The following UHRF2 variants were observed in gnomAD, a reference collection of about 807,000 sequenced individuals.
The protein encoded by UHRF2 is E3 ubiquitin-protein ligase UHRF2.
A neutral mutation model predicts 96.8 loss-of-function variants in UHRF2; 23 were observed. The ratio of observed to expected loss-of-function variants is 0.24; its 90% CI spans 0.17 to 0.34. The LOEUF (loss-of-function observed/expected upper bound fraction) is 0.34. UHRF2 is among the 10% of genes least tolerant of loss of function. The pLI is 1.00. For missense variants in UHRF2, 685 were observed against 981.5 expected, an observed-to-expected ratio of 0.70 and a Z score of 4.04; for synonymous variants, 385 against 332.6, an observed-to-expected ratio of 1.16 and a Z score of -1.72.
rs1203182268 is a variant in UHRF2 at position 6,506,103 on chromosome 9, A to T, written c.2333A>T (p.Asn778Ile). Reference sequence around the variant, plus strand: ...GCTTGCCGGCATGATCTTGGCCAGAATTACATCATGATTCCCAATGAGATT... The same window carrying T: ...GCTTGCCGGCATGATCTTGGCCAGATTTACATCATGATTCCCAATGAGATT... ...CPACRHDLGQ[N>I]YIMIPNEILQ... Residue 778 changes from asparagine (N) to isoleucine (I), a missense_variant, in exon 16 of 16, where the codon AAT (asparagine) becomes ATT (isoleucine). Asn to Ile is a moderately radical substitution (Grantham distance 149, BLOSUM62 -3). Coordinates refer to ENST00000276893, the MANE Select transcript of UHRF2 (RefSeq NM_152896.3). 1 of 1,614,174 alleles carries T rather than the reference A, an allele frequency of 6.2e-7. No individual in the cohort carries two copies. The highest frequency in any genetic ancestry group is 1.7e-5 in the Admixed American group (1 of 60,014).
At chr9:6,455,054 T>A (rs1822096609) in intron 3 of UHRF2, among the ~76,000 whole-genome samples, 1 of 152,230 alleles carries the variant, frequency 6.6e-6, no homozygotes, top group African/African-American at 2.4e-5. Context: ...TAGATTGAGC[T>A]TTTTAAGAGT....
rs565719957 is a variant in UHRF2, at chr9:6,489,021, G to A, written c.1497+2096G>A. On this transcript the variant is annotated intron_variant, in intron 9 of 15. Coordinates refer to ENST00000276893, the MANE Select transcript of UHRF2 (RefSeq NM_152896.3). ...GGTGGGGTTTCACCATGTTGGCCAGGCTGGTCTCAAACTCCTGACCTCAAG... is the reference window on the plus strand; with the variant it reads ...GGTGGGGTTTCACCATGTTGGCCAGACTGGTCTCAAACTCCTGACCTCAAG... Among the ~76,000 whole-genome samples the A allele has an allele frequency of 7.1e-3, 1,073 of 151,978 alleles. 11 individuals are homozygous for A. The highest frequency in any genetic ancestry group is 0.011 in the Non-Finnish European group (734 of 67,968).
intron 8 of UHRF2, among the ~76,000 whole-genome samples, chr9:6,485,048 C>T (rs1452923579): frequency 6.6e-6 from 1 of 151,494 alleles, no homozygotes; most frequent in Non-Finnish European, 1.5e-5. Context: ...CCGCCTTGGC[C>T]TCCCAAAGTG....
At chr9:6,420,049 TC>T (rs922435368) in intron 1 of UHRF2, among the ~76,000 whole-genome samples, 25 of 150,322 alleles carry the variant, frequency 1.7e-4, no homozygotes, top group African/African-American at 5.9e-4. Flanking sequence ...GAGCCCAGCC[TC>T]CCCCGCCACC....
At chr9:6,456,508 T>A (rs1012155090) in intron 3 of UHRF2, among the ~76,000 whole-genome samples, 1 of 152,258 alleles carries the variant, frequency 6.6e-6, no homozygotes, top group Admixed American at 6.5e-5. Flanking sequence ...TGATAGTTTC[T>A]TTTGCTGTGC....
chr9:6,423,663 C>T (rs1423699927), intron 2 of UHRF2, among the ~76,000 whole-genome samples: 12 of 148,322 alleles, frequency 8.1e-5, no homozygotes, highest in African/African-American at 2.3e-4. Context: ...AGAAAAGTCT[C>T]GGCCGGGCGT....
intron 4 of UHRF2, among the ~76,000 whole-genome samples, chr9:6,464,278 T>G (rs946346155): frequency 2.0e-5 from 3 of 152,198 alleles, no homozygotes; most frequent in Non-Finnish European, 2.9e-5. Context: ...CTTTTTTTGT[T>G]GTTAATTAAA....
intron 3 of UHRF2, among the ~76,000 whole-genome samples, chr9:6,442,875 T>C (rs147370407): frequency 2.6e-5 from 4 of 152,168 alleles, no homozygotes; most frequent in African/African-American, 9.7e-5. Context: ...TTTATCCTCT[T>C]AAAACCAAGG....
At chr9:6,466,198 C>T (rs188767239) in intron 4 of UHRF2, among the ~76,000 whole-genome samples, 38 of 152,124 alleles carry the variant, frequency 2.5e-4, no homozygotes, top group African/African-American at 7.7e-4. Flanking sequence ...GTCAGGAGTT[C>T]GAGACCAGCC....
intron 3 of UHRF2, among the ~76,000 whole-genome samples, chr9:6,455,954 G>T (rs1249791676): frequency 1.3e-5 from 2 of 152,162 alleles, no homozygotes; most frequent in African/African-American, 4.8e-5. Context: ...CTGCACTCCA[G>T]CCTGGGTGAC....
chr9:6,464,451 T>G (rs1822745838), intron 4 of UHRF2, among the ~76,000 whole-genome samples: 3 of 152,296 alleles, frequency 2.0e-5, no homozygotes, highest in South Asian at 2.1e-4. Context: ...TTATCAAAGT[T>G]CAAGAAAGTT....
At chr9:6,452,684 T>TTG (rs1054026691) in intron 3 of UHRF2, among the ~76,000 whole-genome samples, 1 of 152,216 alleles carries the variant, frequency 6.6e-6, no homozygotes, top group African/African-American at 2.4e-5. Context: ...AAATTGGAGA[T>TTG]AACTCTTACA....
At chr9:6,493,736 A>T (rs1281263796) in intron 9 of UHRF2, 90 bp from the exon 10 acceptor site, 33 of 1,135,920 alleles carry the variant, frequency 2.9e-5, no homozygotes, top group Non-Finnish European at 1.4e-5. Context: ...AACTCATAAC[A>T]TCCTAATGAA....
At chr9:6,453,358 T>C (rs1224630963) in intron 3 of UHRF2, among the ~76,000 whole-genome samples, 1 of 152,228 alleles carries the variant, frequency 6.6e-6, no homozygotes, top group Non-Finnish European at 1.5e-5. Context: ...TACAGTGTTA[T>C]TTAAAAACAT....
chr9:6,416,868 TTC>T lies in UHRF2; in HGVS notation c.153+3232_153+3233del, dbSNP rs549654759. Among the ~76,000 whole-genome samples, 643 of 152,306 alleles carry T rather than the reference TTC, an allele frequency of 4.2e-3. 6 individuals are homozygous for T. Among genetic ancestry groups the T allele is most frequent in the African/African-American group, 0.015 (607 of 41,566 alleles). On this transcript the variant is annotated intron_variant, in intron 1 of 15. Coordinates refer to ENST00000276893, the MANE Select transcript of UHRF2 (RefSeq NM_152896.3). ...CCAGAGCTTTTCCTATTTTAAAGGATTCTCTCTCGTCATTCTTTCACTCCTTA... is the reference window on the plus strand; with the variant it reads ...CCAGAGCTTTTCCTATTTTAAAGGATTCTCTCGTCATTCTTTCACTCCTTA...
intron 9 of UHRF2, among the ~76,000 whole-genome samples, chr9:6,490,952 G>GA (rs1331198475): frequency 2.2e-4 from 33 of 152,242 alleles, no homozygotes; most frequent in Admixed American, 2.6e-4. Context: ...TCACATTTAA[G>GA]AAAAAAAGTT....
intron 3 of UHRF2, among the ~76,000 whole-genome samples, chr9:6,453,276 C>A (rs1228152875): frequency 6.6e-6 from 1 of 152,118 alleles, no homozygotes; most frequent in Non-Finnish European, 1.5e-5. Context: ...CAAAATCTTT[C>A]CATTCTGGGT....
At chr9:6,442,192 T>C (rs1040004526) in intron 3 of UHRF2, among the ~76,000 whole-genome samples, 1 of 151,892 alleles carries the variant, frequency 6.6e-6, no homozygotes, top group African/African-American at 2.4e-5. Flanking sequence ...CTCAAACTCC[T>C]GACCTCAAGT....
At chr9:6,415,897 T>G (rs1027836759) in intron 1 of UHRF2, among the ~76,000 whole-genome samples, 1 of 152,214 alleles carries the variant, frequency 6.6e-6, no homozygotes, top group Non-Finnish European at 1.5e-5. Context: ...ATTCAAAGTA[T>G]GGTCCCTGGA....
Sources: gnomAD v4.1 joint callset for allele counts (sites outside exome capture counted in the v4.1 genomes callset) on GRCh38, gnomAD v4.1.1 for gene constraint, MANE v1.5 for transcripts, NCBI Gene and HGNC (gene_info 2026-07-23, HGNC 2026-07-21) for gene names.